B3GALT1: variants seen among roughly 807,000 people sequenced by gnomAD.
The protein encoded by B3GALT1 is beta-1,3-galactosyltransferase 1, also known as UDP-Gal:betaGlcNAc beta 1,3-galactosyltransferase, polypeptide 1.
Under a neutral mutation model 23.2 loss-of-function variants are expected in B3GALT1, and 10 were observed. The observed-to-expected ratio is 0.43, with a 90% CI of 0.27 to 0.73. The LOEUF (loss-of-function observed/expected upper bound fraction) is 0.73, where lower values mean the gene tolerates loss of function less well. B3GALT1 is among the 30% of genes least tolerant of loss of function. The pLI, the probability that B3GALT1 is intolerant of heterozygous loss-of-function variation, is 0.21. For missense variants in B3GALT1, 299 were observed against 405.4 expected, an observed-to-expected ratio of 0.74 and a Z score of 2.25; for synonymous variants, 156 against 141.5, an observed-to-expected ratio of 1.10 and a Z score of -0.73.
At chr2:167,747,184 G>A (rs2105282375) in intron 3 of B3GALT1, among the ~76,000 whole-genome samples, 1 of 152,250 alleles carries the variant, frequency 6.6e-6, no homozygotes, top group South Asian at 2.1e-4. Context: ...GAGCATTGTG[G>A]GAAGGAGAGT....
In B3GALT1 at chr2:167,869,785, A is replaced by G; in HGVS notation, c.746A>G (p.Glu249Gly). 6.2e-7 allele frequency: 1 copy of G among 1,614,180 alleles called. No homozygotes were observed. Among genetic ancestry groups the G allele is most frequent in the Non-Finnish European group, 8.5e-7 (1 of 1,180,022 alleles). The change falls in exon 5 of 5, where the codon GAA becomes GGA. Residue 249 changes from glutamate (E) to glycine (G), a missense_variant. Physicochemically the swap from Glu to Gly is moderately conservative, Grantham distance 98 (BLOSUM62 -2). Coordinates refer to ENST00000392690, the MANE Select transcript of B3GALT1 (RefSeq NM_020981.4). The surrounding 1 kb of genome is among the most constrained non-coding windows in gnomAD (Gnocchi z 6.4). ...TGYIFSADVA[E>G]LIYKTSLHTR... ...TACATCTTTTCAGCCGATGTAGCTG[A>G]ACTCATTTACAAGACCTCACTCCAC...
At chr2:167,695,586 C>T (rs922205652) in intron 3 of B3GALT1, among the ~76,000 whole-genome samples, 2 of 152,076 alleles carry the variant, frequency 1.3e-5, no homozygotes, top group Non-Finnish European at 2.9e-5. Flanking sequence ...ATCAAATGCA[C>T]CCTTAGCTTT....
At chr2:167,807,680 C>G (rs996931933) in intron 3 of B3GALT1, among the ~76,000 whole-genome samples, 8 of 152,246 alleles carry the variant, frequency 5.3e-5, no homozygotes, top group Admixed American at 2.0e-4. Flanking sequence ...GTCTGAAACA[C>G]AGTTTGTTAT....
chr2:167,660,432 G>T (rs1412352285), intron 3 of B3GALT1, among the ~76,000 whole-genome samples: 1 of 152,058 alleles, frequency 6.6e-6, no homozygotes, highest in Non-Finnish European at 1.5e-5. Flanking sequence ...TTCAGTAGAA[G>T]GAACAAGCTT....
chr2:167,410,616 G>C (rs1194856085), intron 1 of B3GALT1, among the ~76,000 whole-genome samples: 1 of 151,906 alleles, frequency 6.6e-6, no homozygotes, highest in African/African-American at 2.4e-5. Flanking sequence ...AGAGCATTAG[G>C]ACAAATACCT....
chr2:167,749,911 A>G (rs1687708742), intron 3 of B3GALT1, among the ~76,000 whole-genome samples: 1 of 152,212 alleles, frequency 6.6e-6, no homozygotes, highest in Admixed American at 6.5e-5. Flanking sequence ...ACCTATTTGC[A>G]TTTGATAAAA....
At chr2:167,457,290 A>G (rs2105323454) in intron 1 of B3GALT1, among the ~76,000 whole-genome samples, 1 of 152,070 alleles carries the variant, frequency 6.6e-6, no homozygotes, top group South Asian at 2.1e-4. Context: ...CTCCTGCCTC[A>G]GCCTCCCACG....
At chr2:167,839,372 T>C (rs1689576818) in intron 4 of B3GALT1, among the ~76,000 whole-genome samples, 1 of 152,202 alleles carries the variant, frequency 6.6e-6, no homozygotes, top group African/African-American at 2.4e-5. Flanking sequence ...CAAGCATTCT[T>C]ATACACCAAT....
intron 1 of B3GALT1, among the ~76,000 whole-genome samples, chr2:167,408,547 A>C (rs565867087): frequency 6.6e-6 from 1 of 152,178 alleles, no homozygotes; most frequent in Non-Finnish European, 1.5e-5. Context: ...GAAATGAAGG[A>C]TATCCAAATT....
chr2:167,484,328 A>G (rs1259241013), intron 1 of B3GALT1, among the ~76,000 whole-genome samples: 2 of 152,168 alleles, frequency 1.3e-5, no homozygotes, highest in Admixed American at 6.5e-5. Flanking sequence ...AAAGTATTTA[A>G]AAAGGTTTAT....
rs1001355079 is a variant in B3GALT1 at position 167,872,436 on chromosome 2, G to C, written c.*2416G>C. The C allele has an allele frequency of 6.6e-6, 1 of 152,190 alleles. No individual in the cohort carries two copies. The highest frequency in any genetic ancestry group is 1.9e-4 in the East Asian group (1 of 5,190). The allele number at this position is 152,190 out of a possible 1,614,324, so 9.4% of individuals were successfully genotyped here. A position where few individuals can be genotyped will look rare whatever the true frequency, so the allele number is the denominator to read the frequency against. ...GACAATAGCAATTAGGTAACCTGGG[G>C]AGAGATGGATCAGCACAAGGTGAAC... is the stretch of plus-strand genomic sequence containing the variant. On this transcript the variant is annotated 3_prime_UTR_variant, in exon 5 of 5. Coordinates refer to ENST00000392690, the MANE Select transcript of B3GALT1 (RefSeq NM_020981.4).
chr2:167,447,225 T>C (rs1216666539), intron 1 of B3GALT1, among the ~76,000 whole-genome samples: 1 of 152,168 alleles, frequency 6.6e-6, no homozygotes, highest in African/African-American at 2.4e-5. Flanking sequence ...CTCTGGAAGC[T>C]TCGTCTCAGA....
chr2:167,656,827 G>A (rs1052828076), intron 3 of B3GALT1, among the ~76,000 whole-genome samples: 4 of 152,064 alleles, frequency 2.6e-5, no homozygotes, highest in African/African-American at 9.7e-5. Context: ...GTCTGGATTT[G>A]GGGGAGAGTT....
chr2:167,576,169 A>C (rs1301945686), intron 2 of B3GALT1, among the ~76,000 whole-genome samples: 4 of 151,812 alleles, frequency 2.6e-5, no homozygotes, highest in Non-Finnish European at 5.9e-5. Context: ...CTCTTTATTT[A>C]AACACTGAAT....
intron 3 of B3GALT1, among the ~76,000 whole-genome samples, chr2:167,654,689 T>C (rs1055957781): frequency 2.6e-5 from 4 of 151,946 alleles, no homozygotes; most frequent in African/African-American, 4.8e-5. Flanking sequence ...AGAGACAGGA[T>C]CTTGCTTTGT....
At chr2:167,500,646 T>A (rs979369147) in intron 2 of B3GALT1, among the ~76,000 whole-genome samples, 1 of 145,882 alleles carries the variant, frequency 6.9e-6, no homozygotes, top group African/African-American at 2.6e-5. Flanking sequence ...AAAAAAAAAA[T>A]GCACATATTG....
chr2:167,625,377 A>AT (rs1386533446), intron 2 of B3GALT1, among the ~76,000 whole-genome samples: 1 of 151,898 alleles, frequency 6.6e-6, no homozygotes, highest in African/African-American at 2.4e-5. Flanking sequence ...TCATTCATTT[A>AT]TTTGGAGTAC....
chr2:167,528,029 G>C (rs1683251075), intron 2 of B3GALT1, among the ~76,000 whole-genome samples: 1 of 152,156 alleles, frequency 6.6e-6, no homozygotes, highest in African/African-American at 2.4e-5. Flanking sequence ...GACATTTGAA[G>C]AGAAAAAGCA....
intron 3 of B3GALT1, among the ~76,000 whole-genome samples, chr2:167,687,349 C>T (rs1172628763): frequency 6.6e-6 from 1 of 152,102 alleles, no homozygotes; most frequent in Non-Finnish European, 1.5e-5. Flanking sequence ...TAACAGCGAA[C>T]ATATTTAAGT....
Sources: gnomAD v4.1 joint callset for allele counts (sites outside exome capture counted in the v4.1 genomes callset) on GRCh38, gnomAD v4.1.1 for gene constraint, Gnocchi (gnomAD v3.1) non-coding constraint, MANE v1.5 for transcripts, NCBI Gene and HGNC (gene_info 2026-07-23, HGNC 2026-07-21) for gene names.